Variants in HSD17B12 observed in about 807,000 individuals in gnomAD.
HSD17B12 encodes the protein hydroxysteroid 17-beta dehydrogenase 12.
In HSD17B12, 32 loss-of-function variants were observed where a neutral mutation model predicts 39.3. The ratio of observed to expected loss-of-function variants is 0.81; its 90% CI spans 0.61 to 1.09. The LOEUF (loss-of-function observed/expected upper bound fraction) is 1.09, where lower values mean the gene tolerates loss of function less well. HSD17B12 is among the 50% of genes least tolerant of loss of function. HSD17B12 has a pLI of 0.00. For missense variants in HSD17B12, 342 were observed against 382.9 expected (o/e 0.89, Z 0.89); for synonymous variants, 150 against 146.7 (o/e 1.02, Z -0.16).
At chr11:43,576,311 T>G in the HSD17B12 span, among the ~76,000 whole-genome samples, 1 of 152,240 alleles carries the variant, frequency 6.6e-6, no homozygotes, top group Non-Finnish European at 1.5e-5. Context: ...GGGCGTTTAA[T>G]GCACATTTAA....
chr11:43,848,211 C>T (rs1951497206), intron 9 of HSD17B12, among the ~76,000 whole-genome samples: 1 of 152,100 alleles, frequency 6.6e-6, no homozygotes, highest in Non-Finnish European at 1.5e-5. Flanking sequence ...CCAACTATAC[C>T]AATTTTGAAA....
chr11:43,647,051 A>G, the HSD17B12 span, among the ~76,000 whole-genome samples: 1 of 152,232 alleles, frequency 6.6e-6, no homozygotes, highest in South Asian at 2.1e-4. Flanking sequence ...CTAAGGTGTT[A>G]TAAAATGAAA....
At chr11:43,765,413 G>A (rs894021592) in intron 3 of HSD17B12, among the ~76,000 whole-genome samples, 2 of 150,512 alleles carry the variant, frequency 1.3e-5, no homozygotes, top group Non-Finnish European at 3.0e-5. Context: ...TTATCACCAT[G>A]CATAATGTGA....
At chr11:43,572,383 T>C in the HSD17B12 span, among the ~76,000 whole-genome samples, 10 of 152,160 alleles carry the variant, frequency 6.6e-5, no homozygotes, top group Non-Finnish European at 1.3e-4. Context: ...TCAGAAAATG[T>C]CTGAGAAAGT....
At chr11:43,751,232 C>T (rs1318814925) in intron 2 of HSD17B12, among the ~76,000 whole-genome samples, 3 of 152,048 alleles carry the variant, frequency 2.0e-5, no homozygotes, top group Non-Finnish European at 4.4e-5. Context: ...TATTTTATGT[C>T]ATGTAAGTGT....
At chr11:43,557,435 G>A in the HSD17B12 span, among the ~76,000 whole-genome samples, 1 of 152,212 alleles carries the variant, frequency 6.6e-6, no homozygotes, top group Non-Finnish European at 1.5e-5. Context: ...ATCACGGTAT[G>A]GTGGTGGTGA....
At chr11:43,577,962 A>T in the HSD17B12 span, among the ~76,000 whole-genome samples, 16 of 152,242 alleles carry the variant, frequency 1.1e-4, no homozygotes, top group Non-Finnish European at 1.9e-4. Flanking sequence ...AGTCAGCTCC[A>T]GACACTTTGG....
intron 9 of HSD17B12, among the ~76,000 whole-genome samples, chr11:43,845,176 G>T (rs1421367545): frequency 6.6e-6 from 1 of 152,146 alleles, no homozygotes; most frequent in Non-Finnish European, 1.5e-5. Flanking sequence ...TTGAGACAGG[G>T]TCTCACTTTG....
At chr11:43,793,207 C>T (rs1950884886) in intron 3 of HSD17B12, among the ~76,000 whole-genome samples, 1 of 152,062 alleles carries the variant, frequency 6.6e-6, no homozygotes, top group African/African-American at 2.4e-5. Flanking sequence ...GATGCAGTAA[C>T]ATGACTTGAA....
Position 43,680,747 on chromosome 11 carries a change from A to T in HSD17B12, c.-81A>T. The T allele has an allele frequency of 1.5e-6, 2 of 1,294,864 alleles. No individual in the cohort carries two copies. The highest frequency in any genetic ancestry group is 2.2e-6 in the Non-Finnish European group (2 of 893,310). 80.2% of individuals were successfully genotyped at this position (1,294,864 alleles called of 1,614,324 possible). A position where few individuals can be genotyped will look rare whatever the true frequency, so the allele number is the denominator to read the frequency against. On this transcript the variant is annotated 5_prime_UTR_variant, in exon 1 of 11. Coordinates refer to ENST00000278353, the MANE Select transcript of HSD17B12 (RefSeq NM_016142.3). ...AGCAGCGCCTATTAGTGTCATCCTC[A>T]CCGTCACGGCCGGCGCCTCCTCCTG...
intron 3 of HSD17B12, among the ~76,000 whole-genome samples, chr11:43,781,365 G>GA (rs1950764064): frequency 6.6e-6 from 1 of 150,598 alleles, no homozygotes; most frequent in African/African-American, 2.4e-5. Context: ...CATCTTTAGT[G>GA]AAAAAAAAGC....
At chr11:43,613,586 T>A in the HSD17B12 span, among the ~76,000 whole-genome samples, 1 of 151,988 alleles carries the variant, frequency 6.6e-6, no homozygotes, top group East Asian at 1.9e-4. Flanking sequence ...TATTCTTATT[T>A]TTATTATTTT....
At chr11:43,775,687 C>T (rs1022440722) in intron 3 of HSD17B12, among the ~76,000 whole-genome samples, 9 of 151,244 alleles carry the variant, frequency 6.0e-5, no homozygotes, top group Admixed American at 1.3e-4. Flanking sequence ...ATACATGTGC[C>T]ATGCTGGTGT....
At chr11:43,783,286 A>T (rs949263730) in intron 3 of HSD17B12, among the ~76,000 whole-genome samples, 1 of 151,946 alleles carries the variant, frequency 6.6e-6, no homozygotes, top group African/African-American at 2.4e-5. Flanking sequence ...CTTGATTTCG[A>T]TGGTTACATC....
the HSD17B12 span, among the ~76,000 whole-genome samples, chr11:43,587,030 C>T: frequency 6.6e-6 from 1 of 152,160 alleles, no homozygotes; most frequent in Non-Finnish European, 1.5e-5. Flanking sequence ...CAAAACAAAG[C>T]TGACAAGCGG....
chr11:43,619,228 G>GATAT, the HSD17B12 span, among the ~76,000 whole-genome samples: 1 of 20,892 alleles, frequency 4.8e-5, no homozygotes, highest in East Asian at 9.2e-4. Context: ...ATATATATAT[G>GATAT]ATATATATAT....
At chr11:43,814,581 T>C (rs539708920) in intron 4 of HSD17B12, among the ~76,000 whole-genome samples, 61 of 152,306 alleles carry the variant, frequency 4.0e-4, no homozygotes, top group South Asian at 1.4e-3. Flanking sequence ...ATAGGTTTAT[T>C]CATATCTTGT....
chr11:43,776,859 G>A (rs1200538909), intron 3 of HSD17B12, among the ~76,000 whole-genome samples: 2 of 152,098 alleles, frequency 1.3e-5, no homozygotes, highest in Admixed American at 1.3e-4. Flanking sequence ...TTATTAAATA[G>A]GGAATCCTTT....
At chr11:43,854,992 A>AT (rs1303739608) in intron 10 of HSD17B12, 128 bp downstream of exon 10, 1 of 1,097,394 alleles carries the variant, frequency 9.1e-7, no homozygotes, top group Non-Finnish European at 1.3e-6. Context: ...AGATATCTAT[A>AT]TCTTGTTATA....
Sources: allele counts gnomAD v4.1 joint callset (sites outside exome capture counted in the v4.1 genomes callset), GRCh38; gene constraint gnomAD v4.1.1; transcripts MANE v1.5; gene names NCBI Gene and HGNC (gene_info 2026-07-23, HGNC 2026-07-21).